Variants in RBFOX1 observed in about 807,000 individuals in gnomAD.
The protein encoded by RBFOX1 is RNA binding protein fox-1 homolog 1.
Under a neutral mutation model 57.7 loss-of-function variants are expected in RBFOX1, and 8 were observed. That is an observed-to-expected ratio of 0.14 (90% CI 0.08 to 0.25). The LOEUF (loss-of-function observed/expected upper bound fraction) is 0.25, where lower values mean the gene tolerates loss of function less well. Among genes scored for constraint, RBFOX1 ranks in the 10% least tolerant of loss-of-function variants. RBFOX1 has a pLI of 1.00. For synonymous variants in RBFOX1, 326 were observed against 222.4 expected, an observed-to-expected ratio of 1.47 and a Z score of -4.15; for missense variants, 611 against 548.5, an observed-to-expected ratio of 1.11 and a Z score of -1.14.
In RBFOX1 at chr16:6,019,925, G is replaced by C. The variant is rs1463837504; in HGVS notation, c.-194G>C. ...TGGTGAGTGTGGCTGGGGGTGCAGA[G>C]AGCGCACGGGAATTCGGGGGTCTGG... On this transcript the variant is annotated 5_prime_UTR_variant, in exon 1 of 16. Coordinates refer to ENST00000550418, the MANE Select transcript of RBFOX1 (RefSeq NM_018723.4). This position sits in a 1 kb window ranked among gnomAD's most constrained non-coding sequence, Gnocchi z 4.2. 1.3e-6 allele frequency: 2 copies of C among 1,534,820 alleles called. No individual in the cohort carries two copies. Among genetic ancestry groups the C allele is most frequent in the Non-Finnish European group, 1.7e-6 (2 of 1,146,378 alleles).
chr16:6,369,475 A>T (rs2152888823), intron 2 of RBFOX1, among the ~76,000 whole-genome samples: 1 of 152,338 alleles, frequency 6.6e-6, no homozygotes, highest in South Asian at 2.1e-4. Context: ...TATTCCTAGC[A>T]TTGAGGGAAG....
intron 4 of RBFOX1, among the ~76,000 whole-genome samples, chr16:7,222,398 C>G (rs1406446443): frequency 6.6e-6 from 1 of 152,214 alleles, no homozygotes; most frequent in Non-Finnish European, 1.5e-5. Flanking sequence ...CTAGAGTTTT[C>G]TCATTCATTC....
chr16:6,295,137 A>C lies in RBFOX1; in HGVS notation c.-126-21858A>C, dbSNP rs527807343. Among the ~76,000 whole-genome samples the C allele has an allele frequency of 4.6e-3, 561 of 121,720 alleles. 11 individuals carry two copies. Among genetic ancestry groups the C allele is most frequent in the African/African-American group, 0.018 (533 of 30,112 alleles). 79.9% of individuals were successfully genotyped at this position (121,720 alleles called of 152,430 possible). A position where few individuals can be genotyped will look rare whatever the true frequency, so the allele number is the denominator to read the frequency against. On this transcript the variant is annotated intron_variant, in intron 1 of 15. Transcript: ENST00000550418. ...TTTTTTTTTTTTTTTGAGACGGGGT[A>C]TCTCTCTGTCGGAGTCTCTCTCCAT...
At chr16:7,697,035 A>G (rs1187832411) in intron 14 of RBFOX1, among the ~76,000 whole-genome samples, 1 of 152,142 alleles carries the variant, frequency 6.6e-6, no homozygotes, top group African/African-American at 2.4e-5. Context: ...TGCAGAACAT[A>G]TTTGGGATTT....
At chr16:6,927,163 T>TGGGTGGGTTA (rs2093259134) in intron 3 of RBFOX1, among the ~76,000 whole-genome samples, 1 of 152,050 alleles carries the variant, frequency 6.6e-6, no homozygotes, top group South Asian at 2.1e-4. Context: ...TCAGAAGTTC[T>TGGGTGGGTTA]GAATTGTTAG....
At chr16:7,063,703 G>A (rs1294750433) in intron 4 of RBFOX1, among the ~76,000 whole-genome samples, 1 of 152,012 alleles carries the variant, frequency 6.6e-6, no homozygotes, top group Admixed American at 6.5e-5. Context: ...TATATTTAGG[G>A]GGAAAAAAAA....
rs149820096 is a variant in RBFOX1 at position 7,083,762 on chromosome 16, A to AAG, written c.27+31665_27+31666dup. Among the ~76,000 whole-genome samples, 701 of 151,864 alleles carry AAG rather than the reference A, an allele frequency of 4.6e-3. 4 individuals carry two copies. Among genetic ancestry groups the AAG allele is most frequent in the African/African-American group, 0.016 (657 of 41,134 alleles). On this transcript the variant is annotated intron_variant, in intron 4 of 15. Transcript: ENST00000550418. ...GAGCCTGGGAGAAGGTAGTGCCCAG[A>AAG]AGGCACCGTGCATGGGTCAGTTGTT...
intron 1 of RBFOX1, among the ~76,000 whole-genome samples, chr16:5,296,885 G>A (rs550837358): frequency 2.8e-4 from 43 of 151,876 alleles, no homozygotes; most frequent in Non-Finnish European, 5.6e-4. Flanking sequence ...CATCATGTTG[G>A]TCAGGCTGGT....
At chr16:6,739,597 C>T (rs1032364629) in intron 3 of RBFOX1, among the ~76,000 whole-genome samples, 1 of 150,566 alleles carries the variant, frequency 6.6e-6, no homozygotes, top group Non-Finnish European at 1.5e-5. Flanking sequence ...AGAAGGTGGG[C>T]CAGGTGGGGT....
chr16:6,861,463 G>A (rs1343885383), intron 3 of RBFOX1, among the ~76,000 whole-genome samples: 3 of 150,106 alleles, frequency 2.0e-5, no homozygotes, highest in Non-Finnish European at 4.4e-5. Context: ...TTTTCCAAAA[G>A]GAATGATTCC....
At chr16:6,056,350 G>T (rs962308591) in intron 1 of RBFOX1, among the ~76,000 whole-genome samples, 3 of 152,170 alleles carry the variant, frequency 2.0e-5, no homozygotes, top group Non-Finnish European at 4.4e-5. Flanking sequence ...TAATGAGTTT[G>T]AATGAACTGA....
intron 3 of RBFOX1, among the ~76,000 whole-genome samples, chr16:6,974,850 A>G (rs1012113227): frequency 6.6e-6 from 1 of 152,122 alleles, no homozygotes; most frequent in Non-Finnish European, 1.5e-5. Context: ...TTTTACTCGC[A>G]TTCAGTGCTC....
At chr16:7,686,354 C>T (rs995302986) in intron 14 of RBFOX1, among the ~76,000 whole-genome samples, 4 of 151,972 alleles carry the variant, frequency 2.6e-5, no homozygotes, top group African/African-American at 9.7e-5. Flanking sequence ...ATATCCTATC[C>T]TTCTTTTTCA....
At chr16:7,608,278 A>T (rs898288375) in intron 10 of RBFOX1, among the ~76,000 whole-genome samples, 1 of 152,202 alleles carries the variant, frequency 6.6e-6, no homozygotes, top group African/African-American at 2.4e-5. Flanking sequence ...CTAATACTGA[A>T]CACTGACCCT....
At chr16:7,023,607 A>G (rs2039989851) in intron 3 of RBFOX1, among the ~76,000 whole-genome samples, 1 of 146,018 alleles carries the variant, frequency 6.8e-6, no homozygotes, top group Non-Finnish European at 1.5e-5. Flanking sequence ...AGCTTGCCAT[A>G]GTGGTACATG....
At chr16:7,218,859 A>C (rs1210162734) in intron 4 of RBFOX1, among the ~76,000 whole-genome samples, 1 of 151,268 alleles carries the variant, frequency 6.6e-6, no homozygotes, top group East Asian at 1.9e-4. Context: ...CTTGCACCTG[A>C]CTCACCCCTC....
At chr16:6,877,396 T>C (rs1474481534) in intron 3 of RBFOX1, among the ~76,000 whole-genome samples, 1 of 152,176 alleles carries the variant, frequency 6.6e-6, no homozygotes, top group Non-Finnish European at 1.5e-5. Flanking sequence ...CTGCATCATT[T>C]TCCAATATGG....
At chr16:6,780,974 C>T (rs1049853436) in intron 3 of RBFOX1, among the ~76,000 whole-genome samples, 2 of 152,082 alleles carry the variant, frequency 1.3e-5, no homozygotes, top group African/African-American at 4.8e-5. Flanking sequence ...GTTGCCTTTG[C>T]TGTGCAGACA....
intron 2 of RBFOX1, among the ~76,000 whole-genome samples, chr16:6,626,303 C>G (rs569077611): frequency 1.3e-5 from 2 of 152,202 alleles, no homozygotes; most frequent in South Asian, 4.1e-4. Context: ...ACTAGAGGCC[C>G]AGGTCACCCA....
Sources: allele counts gnomAD v4.1 joint callset (sites outside exome capture counted in the v4.1 genomes callset), GRCh38; gene constraint gnomAD v4.1.1; non-coding constraint Gnocchi (gnomAD v3.1); transcripts MANE v1.5; gene names NCBI Gene and HGNC (gene_info 2026-07-23, HGNC 2026-07-21).